The following BOC variants were observed in gnomAD, a reference collection of about 807,000 sequenced individuals.
BOC encodes BOC cell adhesion associated, oncogene regulated, also known as brother of CDO.
In BOC, 76 loss-of-function variants were observed where a neutral mutation model predicts 112.0. That is an observed-to-expected ratio of 0.68 (90% CI 0.56 to 0.82). The LOEUF (loss-of-function observed/expected upper bound fraction) is 0.82, where lower values mean the gene tolerates loss of function less well. Ranked by LOEUF, BOC falls within the 40% of genes least tolerant of loss-of-function variation. The probability of loss-of-function intolerance (pLI) is 0.00; values close to 1 mark genes in which losing one functional copy is unlikely to be tolerated. For synonymous variants in BOC, 580 were observed against 599.8 expected (o/e 0.97, Z 0.48); for missense variants, 1,309 against 1,511.7 (o/e 0.87, Z 2.22).
chr3:113,213,642 C>T (rs1938715185), intron 1 of BOC, among the ~76,000 whole-genome samples: 1 of 152,140 alleles, frequency 6.6e-6, no homozygotes, highest in Non-Finnish European at 1.5e-5. Context: ...AGGTGTGTAA[C>T]AGGTTTCCCA....
At chr3:113,222,984 C>G (rs1002102949) in intron 2 of BOC, among the ~76,000 whole-genome samples, 5 of 152,200 alleles carry the variant, frequency 3.3e-5, no homozygotes, top group Admixed American at 2.0e-4. Flanking sequence ...GAGCCACAGG[C>G]CGTGGAAGTA....
At chr3:113,233,148 G>GGGGTGTGTGT (rs75678874) in intron 2 of BOC, among the ~76,000 whole-genome samples, 108 of 124,030 alleles carry the variant, frequency 8.7e-4, no homozygotes, top group Middle Eastern at 7.9e-3. Context: ...AAAGGATTGG[G>GGGGTGTGTGT]GTGTGTGTGT....
At chr3:113,216,692 C>A (rs1939449349) in intron 2 of BOC, among the ~76,000 whole-genome samples, 1 of 152,184 alleles carries the variant, frequency 6.6e-6, no homozygotes, top group South Asian at 2.1e-4. Context: ...GATTGTGATT[C>A]TTCCCATCTT....
chr3:113,252,324 C>G (rs996445162), intron 4 of BOC, among the ~76,000 whole-genome samples: 7 of 152,320 alleles, frequency 4.6e-5, no homozygotes, highest in African/African-American at 1.4e-4. Flanking sequence ...ACCCCGTTAT[C>G]CCTGAAAGCC....
intron 2 of BOC, among the ~76,000 whole-genome samples, chr3:113,216,704 T>C (rs1468501232): frequency 2.0e-5 from 3 of 152,232 alleles, no homozygotes; most frequent in African/African-American, 4.8e-5. Context: ...TCCCATCTTC[T>C]GAAATAAAGT....
chr3:113,252,856 C>G (rs968071824), intron 4 of BOC, among the ~76,000 whole-genome samples: 1 of 152,150 alleles, frequency 6.6e-6, no homozygotes, highest in East Asian at 1.9e-4. Flanking sequence ...GGAGGCAGGC[C>G]GTGGGTGGCT....
At chr3:113,213,041 G>C (rs747597303) in intron 1 of BOC, among the ~76,000 whole-genome samples, 1 of 152,146 alleles carries the variant, frequency 6.6e-6, no homozygotes, top group Non-Finnish European at 1.5e-5. Flanking sequence ...TTTTGGGGAT[G>C]GGGGTGGCAG....
At chr3:113,248,290 TC>T (rs536424028) in intron 2 of BOC, among the ~76,000 whole-genome samples, 74 of 152,206 alleles carry the variant, frequency 4.9e-4, no homozygotes, top group Non-Finnish European at 7.9e-4. Context: ...GTCGGGTGTC[TC>T]CTGTTTCTTA....
intron 19 of BOC, 50 bp downstream of exon 19, chr3:113,285,615 G>T: frequency 6.8e-7 from 1 of 1,469,380 alleles, no homozygotes. Context: ...GGGGTGACAT[G>T]AGGTAGGCAT....
In BOC at chr3:113,274,712, C is replaced by G. The variant is rs768753483; in HGVS notation, c.1542+30C>G. 1.3e-6 allele frequency: 2 copies of G among 1,546,606 alleles called. No individual in the cohort carries two copies. The highest frequency in any genetic ancestry group is 2.4e-5 in the South Asian group (2 of 81,638). ...GGCCCTGGTGTGGGGCTGCTGCCTCCCCTGCACAGCCTTTCCAGCAAGGCT... is the reference window on the plus strand; with the variant it reads ...GGCCCTGGTGTGGGGCTGCTGCCTCGCCTGCACAGCCTTTCCAGCAAGGCT... On this transcript the variant is annotated intron_variant, in intron 9 of 19. Coordinates refer to ENST00000682979, the MANE Select transcript of BOC (RefSeq NM_001378074.1). This position sits in a 1 kb window ranked among gnomAD's most constrained non-coding sequence, Gnocchi z 4.8.
intron 2 of BOC, among the ~76,000 whole-genome samples, chr3:113,230,234 G>A (rs998914): frequency 0.17 from 26,068 of 152,132 alleles, 2,534 homozygotes; most frequent in East Asian, 0.33. Context: ...ACTCAGGACC[G>A]ACTGTAGGTG....
At chr3:113,246,189 C>G (rs1406078489) in intron 2 of BOC, among the ~76,000 whole-genome samples, 2 of 152,032 alleles carry the variant, frequency 1.3e-5, no homozygotes. Flanking sequence ...TGTTTCAGAC[C>G]CATTTTCTTT....
chr3:113,287,297 G>A lies in BOC; in HGVS notation c.*435G>A, dbSNP rs536585024. The A allele has an allele frequency of 1.5e-3, 457 of 303,208 alleles. 2 individuals carry two copies. Among genetic ancestry groups the A allele is most frequent in the African/African-American group, 8.9e-3 (408 of 45,600 alleles). 18.8% of individuals were successfully genotyped at this position (303,208 alleles called of 1,614,324 possible). ...CACAGATGGCTGGATCCGGTGCTAC[G>A]GGAAACATTTTCCTAAGATGCCCAT... On this transcript the variant is annotated 3_prime_UTR_variant, in exon 20 of 20. Transcript: ENST00000682979.
At chr3:113,272,347 G>T in intron 6 of BOC, 63 bp from the exon 7 acceptor site, 1 of 1,554,620 alleles carries the variant, frequency 6.4e-7, no homozygotes, top group Non-Finnish European at 8.8e-7. Flanking sequence ...CTGCCTCCTG[G>T]GCATGCTCTA....
chr3:113,225,361 A>G (rs1941494413), intron 2 of BOC, among the ~76,000 whole-genome samples: 1 of 152,200 alleles, frequency 6.6e-6, no homozygotes, highest in Non-Finnish European at 1.5e-5. Context: ...GCTGAAAGAC[A>G]CTGGCCAGGT....
rs112081955 is a variant in BOC, at chr3:113,286,832, G to A, written c.3318G>A (p.Val1106=). 9 of 1,600,026 alleles carry A rather than the reference G, an allele frequency of 5.6e-6. No homozygotes were observed. In the African/African-American group the frequency reaches 6.7e-5, roughly 12 times the overall value. Residue 1106 remains valine, a synonymous_variant, in exon 20 of 20, where the codon GTG becomes GTA. Transcript: ENST00000682979. ...TCTCCCCGGGGCCACTGGTGCGTGT[G>A]TCTTTTGAAACACCACCTCTCACAA... ...MQLSPGPLVR[V]SFETPPLTI
chr3:113,284,625 GCTGCCTTGGGGGGCCTC>G, intron 17 of BOC, 58 bp downstream of exon 17: 1 of 1,563,760 alleles, frequency 6.4e-7, no homozygotes, highest in Non-Finnish European at 8.7e-7. Flanking sequence ...GAGTGGCTGG[GCTGCCTTGGGGGGCCTC>G]CTCCCTCCTA....
chr3:113,275,482 A>G (rs1350125984), intron 9 of BOC, among the ~76,000 whole-genome samples: 7 of 152,262 alleles, frequency 4.6e-5, no homozygotes, highest in Admixed American at 3.9e-4. Flanking sequence ...GGATGAGGAC[A>G]TGAAATTCCC....
chr3:113,269,142 T>C (rs963342258), intron 5 of BOC, among the ~76,000 whole-genome samples: 3 of 152,214 alleles, frequency 2.0e-5, no homozygotes, highest in Non-Finnish European at 4.4e-5. Context: ...CAGGGTTCCT[T>C]GGCAGGAGGT....
Sources: allele counts gnomAD v4.1 joint callset (sites outside exome capture counted in the v4.1 genomes callset), GRCh38; gene constraint gnomAD v4.1.1; non-coding constraint Gnocchi (gnomAD v3.1); transcripts MANE v1.5; gene names NCBI Gene and HGNC (gene_info 2026-07-23, HGNC 2026-07-21).